DTNB: variants seen among roughly 807,000 people sequenced by gnomAD.
DTNB encodes the protein dystrobrevin beta.
Under a neutral mutation model 90.7 loss-of-function variants are expected in DTNB, and 63 were observed. The observed-to-expected ratio is 0.69, with a 90% CI of 0.57 to 0.86. The LOEUF is 0.86. Ranked by LOEUF, DTNB falls within the 40% of genes least tolerant of loss-of-function variation. The probability of loss-of-function intolerance (pLI) is 0.00; values close to 1 mark genes in which losing one functional copy is unlikely to be tolerated. For synonymous variants in DTNB, 277 were observed against 286.7 expected, an observed-to-expected ratio of 0.97 and a Z score of 0.34; for missense variants, 744 against 807.1, an observed-to-expected ratio of 0.92 and a Z score of 0.95.
At chr2:25,597,271 C>T (rs1170719639) in intron 5 of DTNB, among the ~76,000 whole-genome samples, 1 of 151,668 alleles carries the variant, frequency 6.6e-6, no homozygotes, top group African/African-American at 2.4e-5. Context: ...GTCAAGACTA[C>T]AGTGAGCCGT....
chr2:25,499,934 C>T (rs2070093031), intron 9 of DTNB, among the ~76,000 whole-genome samples: 1 of 152,150 alleles, frequency 6.6e-6, no homozygotes, highest in East Asian at 1.9e-4. Flanking sequence ...CTTGCTCTTT[C>T]ACTCAGGCTG....
At chr2:25,648,176 C>T (rs531182480) in intron 2 of DTNB, among the ~76,000 whole-genome samples, 1 of 152,286 alleles carries the variant, frequency 6.6e-6, no homozygotes, top group African/African-American at 2.4e-5. Flanking sequence ...TCACCTGTCA[C>T]CTTTCACTTT....
intron 3 of DTNB, among the ~76,000 whole-genome samples, chr2:25,630,650 GC>G (rs2075463283): frequency 1.3e-5 from 2 of 152,066 alleles, no homozygotes; most frequent in South Asian, 4.1e-4. Context: ...TTCGAGACCA[GC>G]CTGGCCAACA....
intron 4 of DTNB, among the ~76,000 whole-genome samples, chr2:25,613,023 A>G (rs2069065653): frequency 6.6e-6 from 1 of 152,222 alleles, no homozygotes; most frequent in Non-Finnish European, 1.5e-5. Context: ...TCACTCTTCC[A>G]GGTAATAAAA....
chr2:25,651,473 G>C lies in DTNB; in HGVS notation c.67+1121C>G, dbSNP rs76524138. Among the ~76,000 whole-genome samples the C allele has an allele frequency of 4.6e-5, 7 of 152,328 alleles. No homozygotes were observed. The East Asian group carries it at 1.3e-3, about 29-fold the overall frequency. ...CTTTGGAGGTAGAAGGTGAGGTGGAGGGAAGTGACTCCAAGGTGTCTGGCT... is the reference window on the plus strand; with the variant it reads ...CTTTGGAGGTAGAAGGTGAGGTGGACGGAAGTGACTCCAAGGTGTCTGGCT... On this transcript the variant is annotated intron_variant, in intron 2 of 20. Transcript: ENST00000406818.
intron 9 of DTNB, among the ~76,000 whole-genome samples, chr2:25,487,407 C>T (rs1009546342): frequency 2.0e-5 from 3 of 152,166 alleles, no homozygotes; most frequent in African/African-American, 7.2e-5. Flanking sequence ...TACAAGTACT[C>T]TAGAGAGGAC....
chr2:25,485,684 C>T (rs2150409064), intron 9 of DTNB, among the ~76,000 whole-genome samples: 1 of 152,232 alleles, frequency 6.6e-6, no homozygotes, highest in South Asian at 2.1e-4. Context: ...GAAGCACTTG[C>T]AAACTTAAAG....
chr2:25,539,614 C>A (rs996379294), intron 8 of DTNB, among the ~76,000 whole-genome samples: 8 of 105,654 alleles, frequency 7.6e-5, no homozygotes, highest in African/African-American at 3.0e-4. Context: ...TGTAAGAGTT[C>A]TTTATACTTT....
At chr2:25,411,675 C>T (rs963259229) in intron 16 of DTNB, among the ~76,000 whole-genome samples, 3 of 152,198 alleles carry the variant, frequency 2.0e-5, no homozygotes, top group African/African-American at 7.2e-5. Context: ...GCAGTGGTGC[C>T]TGAGGCCCGG....
At position 25,388,259 on chromosome 2, in the gene DTNB, A is replaced by G. The variant is rs2040085307; in HGVS notation, c.1678T>C (p.Cys560Arg). The stretch of plus-strand genomic sequence containing the variant: ...ACTCCGCTCAGCGAGTCCTGCGGAC[A>G]GTGGGTGGGGGTGGAGCCGGCAGAC... The part of the protein sequence containing the change: ...STSAGSTPTH[C>R]PQDSLSGVGG... The change falls in exon 17 of 21, where the codon TGT (cysteine) becomes CGT (arginine). Residue 560 changes from cysteine to arginine, a missense_variant. By Grantham distance (180) the Cys-to-Arg change is radical. Coordinates refer to ENST00000406818, the MANE Select transcript of DTNB (RefSeq NM_021907.5). The G allele has an allele frequency of 3.1e-6, 5 of 1,609,120 alleles. No individual in the cohort carries two copies. In the East Asian group the frequency reaches 1.1e-4, roughly 36 times the overall value.
At chr2:25,637,075 T>A (rs1376225921) in intron 3 of DTNB, among the ~76,000 whole-genome samples, 1 of 152,112 alleles carries the variant, frequency 6.6e-6, no homozygotes, top group Non-Finnish European at 1.5e-5. Context: ...CCATCTGATC[T>A]TTGACAAACC....
At chr2:25,545,397 AC>A (rs2151056777) in intron 8 of DTNB, among the ~76,000 whole-genome samples, 1 of 152,218 alleles carries the variant, frequency 6.6e-6, no homozygotes, top group African/African-American at 2.4e-5. Context: ...TAATAAGCTC[AC>A]CCTTAGCAGG....
chr2:25,482,039 G>A (rs796452079), intron 10 of DTNB, among the ~76,000 whole-genome samples: 3 of 152,326 alleles, frequency 2.0e-5, no homozygotes, highest in African/African-American at 7.2e-5. Context: ...GGAAGGACTA[G>A]GGGGTGGGCT....
rs1347678616 is a variant in DTNB, at chr2:25,634,048, A to C, written c.148+4966T>G. On this transcript the variant is annotated intron_variant, in intron 3 of 20. Transcript: ENST00000406818. ...CCCGTCTGGGAAGTTAGGAGCGTCT[A>C]CGCCCGGCAGCCAGGAGGGAGGTGG... Among the ~76,000 whole-genome samples, 11 of 149,722 alleles carry C rather than the reference A, an allele frequency of 7.3e-5. No homozygotes were observed. In the East Asian group the frequency reaches 2.0e-3, roughly 28 times the overall value.
intron 9 of DTNB, among the ~76,000 whole-genome samples, chr2:25,510,113 C>A (rs1461583853): frequency 6.6e-6 from 1 of 152,080 alleles, no homozygotes; most frequent in Non-Finnish European, 1.5e-5. Flanking sequence ...CATTCATTAT[C>A]TTTTGGCCTT....
At chr2:25,490,431 A>G (rs1419596447) in intron 9 of DTNB, among the ~76,000 whole-genome samples, 1 of 152,176 alleles carries the variant, frequency 6.6e-6, no homozygotes, top group Admixed American at 6.5e-5. Context: ...AAATTTCTAG[A>G]AAGTGATTTG....
chr2:25,502,193 A>C (rs2070898447), intron 9 of DTNB, among the ~76,000 whole-genome samples: 1 of 152,126 alleles, frequency 6.6e-6, no homozygotes, highest in Non-Finnish European at 1.5e-5. Context: ...TCAAAACAAA[A>C]TAACAACAAC....
intron 18 of DTNB, among the ~76,000 whole-genome samples, chr2:25,384,378 G>A (rs114272462): frequency 2.6e-3 from 399 of 152,336 alleles, no homozygotes; most frequent in Middle Eastern, 0.01. Context: ...TATGTGGGAA[G>A]TGCTAATGCC....
At chr2:25,473,777 C>G (rs1323324445) in intron 10 of DTNB, among the ~76,000 whole-genome samples, 2 of 152,178 alleles carry the variant, frequency 1.3e-5, no homozygotes, top group Non-Finnish European at 2.9e-5. Flanking sequence ...AGGGAGAAAT[C>G]TGAAAACGAT....
Sources: allele counts gnomAD v4.1 joint callset (sites outside exome capture counted in the v4.1 genomes callset), GRCh38; gene constraint gnomAD v4.1.1; transcripts MANE v1.5; gene names NCBI Gene and HGNC (gene_info 2026-07-23, HGNC 2026-07-21).